FRMD6: variants seen among roughly 807,000 people sequenced by gnomAD.
FRMD6 encodes the protein FERM domain-containing protein 6.
FRMD6 carries 37 observed loss-of-function variants against 73.2 expected under a neutral mutation model. The observed-to-expected ratio is 0.51, with a 90% CI of 0.39 to 0.66. FRMD6 has a LOEUF of 0.66. Ranked by LOEUF, FRMD6 falls within the 30% of genes least tolerant of loss-of-function variation. The probability of loss-of-function intolerance (pLI) is 0.00; values close to 1 mark genes in which losing one functional copy is unlikely to be tolerated. For missense variants in FRMD6, 714 were observed against 780.5 expected (o/e 0.91, Z 1.02); for synonymous variants, 273 against 282.2 (o/e 0.97, Z 0.33).
intron 2 of FRMD6, among the ~76,000 whole-genome samples, chr14:51,621,273 C>T (rs1031414907): frequency 1.1e-4 from 17 of 152,076 alleles, no homozygotes; most frequent in African/African-American, 3.6e-4. Flanking sequence ...AGCAGCCAAC[C>T]CACAATAGAG....
At chr14:51,520,429 C>T (rs1464177641) in intron 1 of FRMD6, among the ~76,000 whole-genome samples, 1 of 152,194 alleles carries the variant, frequency 6.6e-6, no homozygotes, top group African/African-American at 2.4e-5. Flanking sequence ...AACAATTCCT[C>T]TCCTAGATAT....
chr14:51,609,774 T>C (rs1012067854), intron 2 of FRMD6, among the ~76,000 whole-genome samples: 1 of 152,124 alleles, frequency 6.6e-6, no homozygotes, highest in Non-Finnish European at 1.5e-5. Flanking sequence ...TCACCTGTCA[T>C]GTTAAGGATT....
At chr14:51,434,332 G>A in the FRMD6 span, among the ~76,000 whole-genome samples, 1 of 152,126 alleles carries the variant, frequency 6.6e-6, no homozygotes, top group Admixed American at 6.5e-5. Flanking sequence ...AAAGGAACCA[G>A]GGTTCCTTGT....
At chr14:51,525,460 G>C (rs1245374528) in intron 1 of FRMD6, among the ~76,000 whole-genome samples, 1 of 151,844 alleles carries the variant, frequency 6.6e-6, no homozygotes, top group Non-Finnish European at 1.5e-5. Context: ...GTAGAGATGG[G>C]GTTTCACCAT....
the FRMD6 span, among the ~76,000 whole-genome samples, chr14:51,428,644 T>C: frequency 6.6e-6 from 1 of 152,010 alleles, no homozygotes; most frequent in Non-Finnish European, 1.5e-5. Context: ...ACTTTGAATG[T>C]GGCAGGAATA....
chr14:51,414,107 T>C, the FRMD6 span, among the ~76,000 whole-genome samples: 1 of 152,232 alleles, frequency 6.6e-6, no homozygotes, highest in Non-Finnish European at 1.5e-5. Context: ...GTAGGTTGCC[T>C]GTTCACTCTG....
upstream of FRMD6, among the ~76,000 whole-genome samples, chr14:51,487,436 A>G (rs1882792337): frequency 6.6e-6 from 1 of 152,190 alleles, no homozygotes. Flanking sequence ...TCAGACTCTG[A>G]TTTACATACA....
chr14:51,397,354 G>A, the FRMD6 span, among the ~76,000 whole-genome samples: 1 of 152,144 alleles, frequency 6.6e-6, no homozygotes, highest in East Asian at 1.9e-4. Flanking sequence ...GCCATAGGTG[G>A]AGAAGAAAAG....
intron 1 of FRMD6, among the ~76,000 whole-genome samples, chr14:51,510,566 C>T (rs1335987250): frequency 1.3e-5 from 2 of 152,114 alleles, no homozygotes; most frequent in African/African-American, 4.8e-5. Context: ...TCAGTTACCT[C>T]GTGAAGGAGA....
the FRMD6 span, among the ~76,000 whole-genome samples, chr14:51,425,600 G>A: frequency 6.6e-6 from 1 of 152,232 alleles, no homozygotes; most frequent in Non-Finnish European, 1.5e-5. Flanking sequence ...AGGTCTCAGG[G>A]TCTTTTCCAC....
the FRMD6 span, among the ~76,000 whole-genome samples, chr14:51,464,529 C>A: frequency 6.6e-6 from 1 of 152,330 alleles, no homozygotes; most frequent in South Asian, 2.1e-4. Context: ...CCAGTTATTT[C>A]TCCAGGTATT....
chr14:51,705,075 T>C (rs1896544673), intron 6 of FRMD6, 140 bp downstream of exon 6: 2 of 695,166 alleles, frequency 2.9e-6, no homozygotes, highest in Non-Finnish European at 4.7e-6. Flanking sequence ...TATTTAATGC[T>C]TAAGAACGTG....
chr14:51,633,894 A>G (rs1005933696), intron 2 of FRMD6, among the ~76,000 whole-genome samples: 1 of 152,192 alleles, frequency 6.6e-6, no homozygotes, highest in Non-Finnish European at 1.5e-5. Context: ...TAACACAGAA[A>G]TTCAGTACAT....
intron 11 of FRMD6, 76 bp downstream of exon 11, chr14:51,720,466 G>A (rs1897489671): frequency 1.0e-5 from 14 of 1,360,464 alleles, no homozygotes; most frequent in Non-Finnish European, 1.5e-5. Context: ...TAGAACTGGT[G>A]TCTGGAGAGC....
At chr14:51,545,546 C>T (rs1457434506) in intron 1 of FRMD6, among the ~76,000 whole-genome samples, 2 of 152,034 alleles carry the variant, frequency 1.3e-5, no homozygotes, top group African/African-American at 2.4e-5. Flanking sequence ...GGAGTATTTA[C>T]ACCACAAAAA....
chr14:51,456,722 C>T, the FRMD6 span, among the ~76,000 whole-genome samples: 1 of 152,052 alleles, frequency 6.6e-6, no homozygotes, highest in Non-Finnish European at 1.5e-5. Context: ...CAGCACTACT[C>T]ACAATAGCCA....
intron 2 of FRMD6, among the ~76,000 whole-genome samples, chr14:51,575,347 C>T (rs111546638): frequency 0.017 from 2,538 of 152,276 alleles, 63 homozygotes; most frequent in African/African-American, 0.057. Context: ...CAAAGATGGG[C>T]TGTGAATATA....
intron 6 of FRMD6, among the ~76,000 whole-genome samples, chr14:51,705,870 T>C (rs2140479226): frequency 6.6e-6 from 1 of 152,254 alleles, no homozygotes; most frequent in South Asian, 2.1e-4. Context: ...AGCAGACTCT[T>C]TTCACTAAAT....
chr14:51,479,071 A>G, the FRMD6 span, among the ~76,000 whole-genome samples: 3 of 152,200 alleles, frequency 2.0e-5, no homozygotes, highest in East Asian at 3.8e-4. Flanking sequence ...CCTACCTTGT[A>G]GCCCTCCAAA....
Sources: allele counts gnomAD v4.1 joint callset (sites outside exome capture counted in the v4.1 genomes callset), GRCh38; gene constraint gnomAD v4.1.1; transcripts MANE v1.5; gene names NCBI Gene and HGNC (gene_info 2026-07-23, HGNC 2026-07-21).